DCDC2C: variants seen among roughly 807,000 people sequenced by gnomAD.
DCDC2C encodes doublecortin domain containing 2C.
Under a neutral mutation model 45.0 loss-of-function variants are expected in DCDC2C, and 44 were observed. That is an observed-to-expected ratio of 0.98 (90% CI 0.77 to 1.26). DCDC2C has a LOEUF of 1.26. Ranked by LOEUF, DCDC2C falls within the 50% of genes most tolerant of loss-of-function variation. DCDC2C has a pLI of 0.00. For synonymous variants in DCDC2C, 187 were observed against 178.8 expected (o/e 1.05, Z -0.37); for missense variants, 447 against 468.9 (o/e 0.95, Z 0.43).
intron 3 of DCDC2C, among the ~76,000 whole-genome samples, chr2:3,731,723 G>T (rs1267583320): frequency 6.6e-6 from 1 of 152,212 alleles, no homozygotes; most frequent in African/African-American, 2.4e-5. Flanking sequence ...AACAGAATGT[G>T]TCTTGCTACA....
intron 3 of DCDC2C, among the ~76,000 whole-genome samples, chr2:3,740,024 A>T (rs149459313): frequency 6.6e-6 from 1 of 152,208 alleles, no homozygotes; most frequent in Non-Finnish European, 1.5e-5. Context: ...GGACAAGGGA[A>T]CTTTTCCTGT....
chr2:3,796,764 G>A (rs1479884553), intron 10 of DCDC2C, among the ~76,000 whole-genome samples: 19 of 136,652 alleles, frequency 1.4e-4, no homozygotes, highest in African/African-American at 3.3e-4. Flanking sequence ...TGCTGGATTC[G>A]TTTTGCCAGT....
chr2:3,736,823 A>G (rs1669046413), intron 3 of DCDC2C, among the ~76,000 whole-genome samples: 1 of 152,230 alleles, frequency 6.6e-6, no homozygotes, highest in South Asian at 2.1e-4. Context: ...GTTTTCTTTC[A>G]GGTTGTCTCA....
intron 3 of DCDC2C, among the ~76,000 whole-genome samples, chr2:3,729,595 G>C (rs755227526): frequency 7.2e-5 from 11 of 152,222 alleles, no homozygotes; most frequent in Non-Finnish European, 5.9e-5. Context: ...CAAGCTGGCA[G>C]TTCTGGAAGT....
At chr2:3,776,594 T>G (rs1285326507) in intron 8 of DCDC2C, among the ~76,000 whole-genome samples, 1 of 152,206 alleles carries the variant, frequency 6.6e-6, no homozygotes, top group Non-Finnish European at 1.5e-5. Context: ...GTCCTTCTCT[T>G]AGGCTTCTGA....
intron 6 of DCDC2C, among the ~76,000 whole-genome samples, chr2:3,763,268 G>A (rs1669931357): frequency 6.6e-6 from 1 of 152,164 alleles, no homozygotes; most frequent in South Asian, 2.1e-4. Flanking sequence ...CACAGCCCCA[G>A]GAGGCAGGCA....
intron 10 of DCDC2C, among the ~76,000 whole-genome samples, chr2:3,785,665 C>T (rs1004610358): frequency 3.9e-5 from 6 of 152,186 alleles, no homozygotes; most frequent in African/African-American, 1.4e-4. Context: ...AGCAATAGCT[C>T]TGTCCTCAGC....
intron 2 of DCDC2C, among the ~76,000 whole-genome samples, chr2:3,716,850 A>AT (rs1668362963): frequency 6.6e-6 from 1 of 152,184 alleles, no homozygotes; most frequent in Non-Finnish European, 1.5e-5. Context: ...AGGTTCATCC[A>AT]TGTTGTAGTG....
Position 3,710,761 on chromosome 2 carries a change from C to T in DCDC2C, c.339+2161C>T, listed in dbSNP as rs146759743. On this transcript the variant is annotated intron_variant, in intron 2 of 10. Coordinates refer to ENST00000399143, the MANE Select transcript of DCDC2C (RefSeq NM_001287444.2). ...TTGGTTTTCTGTTCCTGCGTTAATTCACTTAGGATAATGGCTGCAGCTGCA... is the reference window on the plus strand; with the variant it reads ...TTGGTTTTCTGTTCCTGCGTTAATTTACTTAGGATAATGGCTGCAGCTGCA... Among the ~76,000 whole-genome samples the T allele has an allele frequency of 2.9e-3, 444 of 152,296 alleles. 4 individuals carry two copies. Among genetic ancestry groups the T allele is most frequent in the African/African-American group, 0.01 (430 of 41,554 alleles).
chr2:3,791,116 A>G (rs886562771), intron 10 of DCDC2C, among the ~76,000 whole-genome samples: 1 of 152,138 alleles, frequency 6.6e-6, no homozygotes, highest in South Asian at 2.1e-4. Flanking sequence ...CTCAAAAAAA[A>G]AGAAAATTTT....
chr2:3,708,196 A>G (rs1668116966), intron 1 of DCDC2C, among the ~76,000 whole-genome samples: 2 of 152,268 alleles, frequency 1.3e-5, no homozygotes, highest in Non-Finnish European at 2.9e-5. Context: ...CTGTCATGGG[A>G]ACATTGATGA....
At chr2:3,822,206 A>C (rs1032064014) in intron 10 of DCDC2C, among the ~76,000 whole-genome samples, 1 of 152,006 alleles carries the variant, frequency 6.6e-6, no homozygotes, top group Admixed American at 6.6e-5. Flanking sequence ...TAATTCTTTA[A>C]ATGTTTGGTA....
At chr2:3,762,649 G>A (rs1157705752) in intron 6 of DCDC2C, among the ~76,000 whole-genome samples, 1 of 152,136 alleles carries the variant, frequency 6.6e-6, no homozygotes, top group African/African-American at 2.4e-5. Flanking sequence ...CTCACTCACT[G>A]CTGTGAGGAC....
intron 10 of DCDC2C, among the ~76,000 whole-genome samples, chr2:3,837,130 T>C (rs1672100952): frequency 6.6e-6 from 1 of 152,116 alleles, no homozygotes; most frequent in African/African-American, 2.4e-5. Flanking sequence ...CTGAGGAACA[T>C]GAGGGCACCA....
chr2:3,742,341 C>T (rs1669241963), intron 4 of DCDC2C, among the ~76,000 whole-genome samples: 1 of 152,106 alleles, frequency 6.6e-6, no homozygotes, highest in South Asian at 2.1e-4. Context: ...AGTGGGCCGA[C>T]CGTTCAAGTT....
intron 10 of DCDC2C, among the ~76,000 whole-genome samples, chr2:3,838,276 G>C (rs917156589): frequency 2.0e-5 from 3 of 151,942 alleles, no homozygotes; most frequent in African/African-American, 7.3e-5. Flanking sequence ...TAGAGGGAGA[G>C]GGCTGTAAAG....
intron 2 of DCDC2C, among the ~76,000 whole-genome samples, chr2:3,710,463 T>C (rs1668175365): frequency 6.6e-6 from 1 of 152,146 alleles, no homozygotes; most frequent in Non-Finnish European, 1.5e-5. Flanking sequence ...TGGTGTTTGG[T>C]TTTCTGTTCC....
At chr2:3,792,192 A>C (rs564082554) in intron 10 of DCDC2C, among the ~76,000 whole-genome samples, 1 of 152,318 alleles carries the variant, frequency 6.6e-6, no homozygotes, top group East Asian at 1.9e-4. Flanking sequence ...AAAGTAGTTC[A>C]TAGAACTTGA....
At chr2:3,787,000 A>G (rs563916552) in intron 10 of DCDC2C, among the ~76,000 whole-genome samples, 1 of 152,336 alleles carries the variant, frequency 6.6e-6, no homozygotes, top group Non-Finnish European at 1.5e-5. Flanking sequence ...GCTTGAAATT[A>G]GACACTTGGT....
Sources: allele counts gnomAD v4.1 joint callset (sites outside exome capture counted in the v4.1 genomes callset), GRCh38; gene constraint gnomAD v4.1.1; transcripts MANE v1.5; gene names NCBI Gene and HGNC (gene_info 2026-07-23, HGNC 2026-07-21).